DNAH1: variants seen among roughly 807,000 people sequenced by gnomAD.
DNAH1 encodes axonemal beta dynein heavy chain 1.
A neutral mutation model predicts 484.3 loss-of-function variants in DNAH1; 327 were observed. The observed-to-expected ratio is 0.68, with a 90% confidence interval of 0.62 to 0.74. The LOEUF (loss-of-function observed/expected upper bound fraction) is 0.74, where lower values mean the gene tolerates loss of function less well. Among genes scored for constraint, DNAH1 ranks in the 30% least tolerant of loss-of-function variants. The probability of loss-of-function intolerance (pLI) is 0.00; values close to 1 mark genes in which losing one functional copy is unlikely to be tolerated. For synonymous variants in DNAH1, 2,192 were observed against 2,191.9 expected (o/e 1.00, Z 0.00); for missense variants, 5,052 against 5,546.8 (o/e 0.91, Z 2.83).
chr3:52,329,493 C>G (rs756914943), intron 6 of DNAH1, among the ~76,000 whole-genome samples: 1 of 152,138 alleles, frequency 6.6e-6, no homozygotes, highest in Non-Finnish European at 1.5e-5. Context: ...AATTCCAGCC[C>G]TTCCTTCCTC....
At chr3:52,375,046 AAAAAAAAAAGT>A (rs1274964455) in intron 44 of DNAH1, among the ~76,000 whole-genome samples, 183 bp from the exon 45 acceptor site, 3 of 151,962 alleles carry the variant, frequency 2.0e-5, no homozygotes, top group African/African-American at 7.2e-5. Context: ...ACTTTGTAAA[AAAAAAAAAAGT>A]TAAAGGAGAG....
In DNAH1 at chr3:52,360,035, G is replaced by A; in HGVS notation, c.4527G>A (p.Glu1509=). 6.2e-7 allele frequency: 1 copy of A among 1,613,938 alleles called. No homozygotes were observed. The highest frequency in any genetic ancestry group is 8.5e-7 in the Non-Finnish European group (1 of 1,179,894). Residue 1509 remains glutamate (E), a synonymous_variant, in exon 27 of 78, where the codon GAG becomes GAA. Transcript: ENST00000420323. The part of the protein sequence containing the change: ...AKDVVSKLIQ[E]NVVSVNDFQW... ...ACGTGGTGAGCAAGCTAATCCAGGA[G>A]AACGTGGTCAGCGTGAATGACTTCC... is the stretch of plus-strand genomic sequence containing the variant.
Position 52,349,404 on chromosome 3 carries a change from A to G in DNAH1, c.2510A>G (p.His837Arg), listed in dbSNP as rs370689714. ...CTGGACATCCTTGCCAAGAACCTGCATAAGGAGGTGGATAGCGTAAGTGCC... is the reference window on the plus strand; with the variant it reads ...CTGGACATCCTTGCCAAGAACCTGCGTAAGGAGGTGGATAGCGTAAGTGCC... ...SVLDILAKNL[H>R]KEVDSICEEF... The change falls in exon 14 of 78, where the codon CAT (histidine) becomes CGT (arginine). Residue 837 changes from histidine to arginine, a missense_variant. Physicochemically the swap from His to Arg is conservative, Grantham distance 29. Coordinates refer to ENST00000420323, the MANE Select transcript of DNAH1 (RefSeq NM_015512.5). 1.2e-6 allele frequency: 2 copies of G among 1,613,730 alleles called. No individual in the cohort carries two copies. The highest frequency in any genetic ancestry group is 1.7e-6 in the Non-Finnish European group (2 of 1,179,878).
At chr3:52,373,246 C>T (rs1703430412) in intron 44 of DNAH1, among the ~76,000 whole-genome samples, 193 bp downstream of exon 44, 2 of 152,312 alleles carry the variant, frequency 1.3e-5, no homozygotes, top group South Asian at 2.1e-4. Flanking sequence ...GCTGCCGCAG[C>T]CTCTGGAAGC....
intron 5 of DNAH1, 137 bp from the exon 6 acceptor site, chr3:52,327,745 C>G: frequency 1.0e-6 from 1 of 987,064 alleles, no homozygotes; most frequent in South Asian, 1.6e-5. Flanking sequence ...TGGAGAGGGT[C>G]AGCCCCCAGT....
In DNAH1 at chr3:52,322,407, A is replaced by C. The variant is rs766044240; in HGVS notation, c.-34-2A>C. ...CTGACTGACGCTGGGTTCTTCTCCT[A>C]GGAGCTTCGGCTGGGGCATCTCCCT... On this transcript the variant is annotated splice_acceptor_variant, in intron 1 of 77. Transcript: ENST00000420323. LOFTEE classifies it low-confidence loss of function (5UTR_SPLICE). 1.3e-6 allele frequency: 2 copies of C among 1,580,386 alleles called. No individual in the cohort carries two copies. The highest frequency in any genetic ancestry group is 1.2e-5 in the South Asian group (1 of 86,326).
Position 52,342,385 on chromosome 3 carries a change from G to T in DNAH1, c.1287-2105G>T, listed in dbSNP as rs562899457. ...CTCAAGTAGAGAATGAGTTGTAAGG[G>T]GGCAAGAGTGGAAGCAGGGAGATCA... On this transcript the variant is annotated intron_variant, in intron 8 of 77. Coordinates refer to ENST00000420323, the MANE Select transcript of DNAH1 (RefSeq NM_015512.5). Among the ~76,000 whole-genome samples the T allele has an allele frequency of 3.3e-5, 5 of 152,330 alleles. No homozygotes were observed. The South Asian group carries it at 1.0e-3, about 32-fold the overall frequency.
chr3:52,370,540 A>T lies in DNAH1; in HGVS notation c.6322A>T (p.Ile2108Phe). 2 of 1,613,984 alleles carry T rather than the reference A, an allele frequency of 1.2e-6. No homozygotes were observed. Among genetic ancestry groups the T allele is most frequent in the Non-Finnish European group, 1.7e-6 (2 of 1,179,890 alleles). ...RIVELIEPWF[I>F]FSLIWSVGAT... ...CGTAGAGTTGATCGAGCCCTGGTTC[A>T]TCTTCTCCCTGATCTGGAGCGTGGG... Residue 2108 changes from isoleucine to phenylalanine, a missense_variant, in exon 40 of 78, where the codon ATC becomes TTC. Around this residue, in one of 4 missense-constraint regions of DNAH1, gnomAD observed 2,929 missense variants for 3,409.4 expected, o/e 0.86. Coordinates refer to ENST00000420323, the MANE Select transcript of DNAH1 (RefSeq NM_015512.5).
chr3:52,351,915 A>G (rs977902986), intron 16 of DNAH1, 47 bp from the exon 17 acceptor site: 2 of 1,575,554 alleles, frequency 1.3e-6, no homozygotes, highest in Non-Finnish European at 1.7e-6. Context: ...CCACTCCACC[A>G]CTTCAGCCGC....
In DNAH1 at chr3:52,350,139, G is replaced by A. The variant is rs759808910; in HGVS notation, c.2646+31G>A. ...GCAGGCACACGGGCACTGGGGCCAG[G>A]GAGGCACAGGGCTGGTGTTAAGAGT... On this transcript the variant is annotated intron_variant, in intron 15 of 77. Transcript: ENST00000420323. 60 of 1,601,622 alleles carry A rather than the reference G, an allele frequency of 3.7e-5. No homozygotes were observed. In the Admixed American group the frequency reaches 1.0e-3, roughly 27 times the overall value.
At chr3:52,326,425 A>T (rs1425504762) in intron 4 of DNAH1, 111 bp downstream of exon 4, 1 of 1,313,370 alleles carries the variant, frequency 7.6e-7, no homozygotes, top group East Asian at 2.5e-5. Flanking sequence ...GAGCCTGTGC[A>T]CAAGTGTTTA....
chr3:52,348,078 C>T, intron 12 of DNAH1, 104 bp downstream of exon 12: 2 of 1,236,682 alleles, frequency 1.6e-6, no homozygotes, highest in Non-Finnish European at 2.2e-6. Flanking sequence ...CACAGGCCTC[C>T]TGTCGGGCAG....
intron 10 of DNAH1, among the ~76,000 whole-genome samples, chr3:52,346,049 G>T (rs757930321): frequency 1.9e-4 from 29 of 152,166 alleles, no homozygotes; most frequent in African/African-American, 5.6e-4. Context: ...GTGGATTGGG[G>T]TATGAGGGAG....
chr3:52,358,620 G>C lies in DNAH1; in HGVS notation c.4149G>C (p.Gln1383His), dbSNP rs1702717472. 1.9e-6 allele frequency: 3 copies of C among 1,613,214 alleles called. No homozygotes were observed. In the South Asian group the frequency reaches 3.3e-5, roughly 18 times the overall value. The change falls in exon 25 of 78, where the codon CAG becomes CAC. Residue 1383 changes from glutamine to histidine, a missense_variant. Coordinates refer to ENST00000420323, the MANE Select transcript of DNAH1 (RefSeq NM_015512.5). The surrounding 1 kb of genome is among the most constrained non-coding windows in gnomAD (Gnocchi z 4.2). ...HMYSAEGEEV[Q>H]LCFSIYPSSN... ...ACTCAGCCGAGGGGGAGGAGGTACA[G>C]TTGTGCTTCTCCATCTACCCCTCCA... is the stretch of plus-strand genomic sequence containing the variant.
intron 42 of DNAH1, 67 bp from the exon 43 acceptor site, chr3:52,372,160 A>T (rs972269460): frequency 6.2e-7 from 1 of 1,609,910 alleles, no homozygotes; most frequent in African/African-American, 1.3e-5. Context: ...TCCCACATGG[A>T]TGCAGGGGCA....
Position 52,366,879 on chromosome 3 carries a change from C to G in DNAH1, c.5757C>G (p.Thr1919=). ...TGTACGGGGAGTTTGACCTCCTCACCCATGAGTGGTGAGTGACCCCCCAGC... is the reference window on the plus strand; with the variant it reads ...TGTACGGGGAGTTTGACCTCCTCACGCATGAGTGGTGAGTGACCCCCCAGC... ...GQLYGEFDLL[T]HEWTDGIFSS... is the part of the protein sequence containing the mutation. The change falls in exon 36 of 78, where the codon ACC becomes ACG. Residue 1919 remains threonine, a synonymous_variant. Transcript: ENST00000420323. 1 of 1,611,306 alleles carries G rather than the reference C, an allele frequency of 6.2e-7. No homozygotes were observed. Among genetic ancestry groups the G allele is most frequent in the Non-Finnish European group, 8.5e-7 (1 of 1,177,996 alleles).
At chr3:52,317,296 A>G (rs1700980450) in intron 1 of DNAH1, among the ~76,000 whole-genome samples, 1 of 152,188 alleles carries the variant, frequency 6.6e-6, no homozygotes, top group Non-Finnish European at 1.5e-5. Flanking sequence ...TGCTGAGAGC[A>G]GATGAGGGGC....
intron 44 of DNAH1, chr3:52,374,468 G>A: frequency 1.4e-6 from 2 of 1,380,454 alleles, no homozygotes; most frequent in Non-Finnish European, 2.1e-6. Context: ...AAGAAGTAAT[G>A]TTCTTAAACA....
intron 8 of DNAH1, among the ~76,000 whole-genome samples, chr3:52,338,854 C>A (rs1387060195): frequency 6.8e-6 from 1 of 147,320 alleles, no homozygotes; most frequent in Non-Finnish European, 1.5e-5. Context: ...GGTGAAACCC[C>A]ATCTCTACTA....
Sources: allele counts gnomAD v4.1 joint callset (sites outside exome capture counted in the v4.1 genomes callset), GRCh38; gene constraint gnomAD v4.1.1; regional missense constraint gnomAD v4.1.1; non-coding constraint Gnocchi (gnomAD v3.1); transcripts MANE v1.5; gene names NCBI Gene and HGNC (gene_info 2026-07-23, HGNC 2026-07-21).